EP300: variants seen among roughly 807,000 people sequenced by gnomAD.
The protein encoded by EP300 is EP300 lysine acetyltransferase.
EP300 carries 31 observed loss-of-function variants against 264.0 expected under a neutral mutation model. That is an observed-to-expected ratio of 0.12 (90% CI 0.09 to 0.16). The LOEUF (loss-of-function observed/expected upper bound fraction) is 0.16, where lower values mean the gene tolerates loss of function less well. Ranked by LOEUF, EP300 falls within the 10% of genes least tolerant of loss-of-function variation. EP300 has a pLI of 1.00. For missense variants in EP300, 2,766 were observed against 3,052.9 expected (o/e 0.91, Z 2.21); for synonymous variants, 1,340 against 1,045.4 (o/e 1.28, Z -5.44).
At chr22:41,171,507 G>T (rs1230480388) in intron 27 of EP300, among the ~76,000 whole-genome samples, 2 of 151,870 alleles carry the variant, frequency 1.3e-5, no homozygotes, top group Admixed American at 1.3e-4. Flanking sequence ...GCTGATTTTT[G>T]TATATTTTTT....
intron 2 of EP300, among the ~76,000 whole-genome samples, 180 bp downstream of exon 2, chr22:41,118,001 A>G (rs1486341030): frequency 6.6e-6 from 1 of 152,190 alleles, no homozygotes; most frequent in African/African-American, 2.4e-5. Flanking sequence ...TACAGCTGGT[A>G]TTCTATAACT....
intron 23 of EP300, 115 bp downstream of exon 23, chr22:41,166,781 A>G (rs919433898): frequency 1.8e-5 from 12 of 658,848 alleles, no homozygotes; most frequent in Non-Finnish European, 3.1e-5. Flanking sequence ...AAAATAAAAT[A>G]ATTCTATAAT....
rs142802640 is a variant in EP300, at chr22:41,169,551, A to T, written c.4221A>T (p.Lys1407Asn). Residue 1407 changes from lysine (K) to asparagine (N), a missense_variant, in exon 26 of 31, where the codon AAA becomes AAT. Transcript: ENST00000263253. ...ATAGTGTTCATTTCTTCCGTCCTAA[A>T]TGCTTGAGGACTGCAGTCTATCATG... ...YLDSVHFFRP[K>N]CLRTAVYHEI... 1.2e-6 allele frequency: 2 copies of T among 1,610,284 alleles called. No homozygotes were observed. Among genetic ancestry groups the T allele is most frequent in the African/African-American group, 2.7e-5 (2 of 74,960 alleles).
In EP300 at chr22:41,147,784, A is replaced by G. The variant is rs534731454; in HGVS notation, c.2132-53A>G. 6.0e-6 allele frequency: 7 copies of G among 1,168,936 alleles called. No individual in the cohort carries two copies. In the South Asian group the frequency reaches 8.5e-5, roughly 14 times the overall value. 72.4% of individuals were successfully genotyped at this position (1,168,936 alleles called of 1,614,324 possible). ...ATCAGACATAAGAATTCTATCTTTTATTATTCAATTTCACAAAGGCATTCA... is the reference window on the plus strand; with the variant it reads ...ATCAGACATAAGAATTCTATCTTTTGTTATTCAATTTCACAAAGGCATTCA... On this transcript the variant is annotated intron_variant, in intron 11 of 30. Transcript: ENST00000263253.
intron 2 of EP300, among the ~76,000 whole-genome samples, chr22:41,118,381 A>T (rs1280010739): frequency 6.6e-6 from 1 of 152,248 alleles, no homozygotes; most frequent in Non-Finnish European, 1.5e-5. Flanking sequence ...TATATTAAAA[A>T]TATTTTAAAC....
chr22:41,093,605 G>C (rs1219418033), intron 1 of EP300, among the ~76,000 whole-genome samples: 7 of 152,192 alleles, frequency 4.6e-5, no homozygotes, highest in African/African-American at 1.7e-4. Context: ...CGAGGTCCAA[G>C]ATTTCAGGTT....
rs779101803 is a variant in EP300 at position 41,146,770 on chromosome 22, T to C, written c.2085T>C (p.Arg695=). The C allele has an allele frequency of 1.5e-5, 24 of 1,614,100 alleles. No individual in the cohort carries two copies. In the East Asian group the frequency reaches 5.3e-4, roughly 36 times the overall value. The change falls in exon 11 of 31, where the codon CGT becomes CGC. Residue 695 remains arginine (R), a synonymous_variant. Coordinates refer to ENST00000263253, the MANE Select transcript of EP300 (RefSeq NM_001429.4). ...CTCTACCTGACCCAAGTATGATCCGTGGCAGTGTGCCAAACCAGATGATGC... is the reference window on the plus strand; with the variant it reads ...CTCTACCTGACCCAAGTATGATCCGCGGCAGTGTGCCAAACCAGATGATGC... ...NGPLPDPSMI[R]GSVPNQMMPR... is the part of the protein sequence containing the mutation.
intron 23 of EP300, among the ~76,000 whole-genome samples, chr22:41,167,580 GTGTGTATATATATATATA>G (rs1210921873): frequency 4.5e-3 from 137 of 30,136 alleles, no homozygotes; most frequent in African/African-American, 0.014. Flanking sequence ...GTGTGTGTGT[GTGTGTATATATATATATA>G]TATATATATA....
Position 41,176,367 on chromosome 22 carries a change from G to A in EP300, c.4900G>A (p.Ala1634Thr), listed in dbSNP as rs2145512926. ...TGGTCGGGATGCGTTTCTCACGCTG[G>A]CAAGGGACAAGCACCTGGAGTTCTC... Reference protein sequence around the residue: ...MDGRDAFLTLARDKHLEFSSL... With the variant: ...MDGRDAFLTLTRDKHLEFSSL... The change falls in exon 30 of 31, where the codon GCA becomes ACA. Residue 1634 changes from alanine to threonine, a missense_variant. Physicochemically the swap from Ala to Thr is moderately conservative, Grantham distance 58. Transcript: ENST00000263253. 6.2e-7 allele frequency: 1 copy of A among 1,614,194 alleles called. No individual in the cohort carries two copies. The highest frequency in any genetic ancestry group is 8.5e-7 in the Non-Finnish European group (1 of 1,180,038).
chr22:41,131,914 C>T (rs1037776705), intron 6 of EP300, among the ~76,000 whole-genome samples: 4 of 151,654 alleles, frequency 2.6e-5, no homozygotes, highest in Admixed American at 6.6e-5. Context: ...ACTGTGTAGA[C>T]GGGCCGGGCA....
chr22:41,148,945 T>C, intron 12 of EP300, 93 bp from the exon 13 acceptor site: 3 of 1,571,520 alleles, frequency 1.9e-6, no homozygotes, highest in Non-Finnish European at 2.6e-6. Flanking sequence ...CTCTACTTAA[T>C]AAGCCTGACG....
chr22:41,113,157 A>AACCCCCCC (rs2058802817), intron 1 of EP300, among the ~76,000 whole-genome samples: 15 of 92,910 alleles, frequency 1.6e-4, no homozygotes, highest in South Asian at 4.2e-4. Context: ...TCAGGATTCC[A>AACCCCCCC]CCCCCCCCCC....
intron 23 of EP300, 165 bp from the exon 24 acceptor site, chr22:41,168,284 G>A: frequency 1.4e-6 from 1 of 708,036 alleles, no homozygotes; most frequent in Admixed American, 2.2e-5. Context: ...GCACTCATAT[G>A]ACATGTAAAT....
In EP300 at chr22:41,116,220, T is replaced by C. The variant is rs117539041; in HGVS notation, c.95-967T>C. 4.9e-4 allele frequency among the ~76,000 whole-genome samples: 74 copies of C among 152,350 alleles called. 1 individual carries two copies. The East Asian group carries it at 0.014, about 28-fold the overall frequency. ...TCTATAACATTATTTAGAATGTTTT[T>C]CTTTTTTTAATTATCCTTTAAGTTT... On this transcript the variant is annotated intron_variant, in intron 1 of 30. Coordinates refer to ENST00000263253, the MANE Select transcript of EP300 (RefSeq NM_001429.4).
chr22:41,154,266 A>G (rs1370259000), intron 16 of EP300, among the ~76,000 whole-genome samples: 1 of 152,066 alleles, frequency 6.6e-6, no homozygotes, highest in East Asian at 1.9e-4. Flanking sequence ...GTATAAGACA[A>G]TACCTGATCT....
Position 41,178,842 on chromosome 22 carries a change from T to C in EP300, c.7131T>C (p.Ala2377=), listed in dbSNP as rs2059220948. The C allele has an allele frequency of 1.2e-6, 2 of 1,614,054 alleles. No homozygotes were observed. The highest frequency in any genetic ancestry group is 1.7e-6 in the Non-Finnish European group (2 of 1,180,046). ...AGAATTCAATGCTTTCTCAGCTTGC[T>C]AGCAATCCAGGCATGGCAAACCTCC... ...PDQNSMLSQL[A]SNPGMANLHG... Residue 2377 remains alanine, a synonymous_variant, in exon 31 of 31, where the codon GCT becomes GCC. Transcript: ENST00000263253.
chr22:41,178,299 A>G lies in EP300; in HGVS notation c.6588A>G (p.Gly2196=). 6.2e-7 allele frequency: 1 copy of G among 1,614,156 alleles called. No individual in the cohort carries two copies. The highest frequency in any genetic ancestry group is 1.3e-5 in the African/African-American group (1 of 75,032). The stretch of plus-strand genomic sequence containing the variant: ...TGATGCAACAGCAGCAGCAACAGGG[A>G]GCAGGGCCAGGAATAGGCCCTGGAA... ...QQMMQQQQQQ[G]AGPGIGPGMA... The change falls in exon 31 of 31, where the codon GGA becomes GGG. Residue 2196 remains glycine, a synonymous_variant. Coordinates refer to ENST00000263253, the MANE Select transcript of EP300 (RefSeq NM_001429.4).
chr22:41,178,524 C>T lies in EP300; in HGVS notation c.6813C>T (p.Ser2271=), dbSNP rs763766022. The T allele has an allele frequency of 5.0e-6, 8 of 1,613,964 alleles. No homozygotes were observed. In the African/African-American group the frequency reaches 8.0e-5, roughly 16 times the overall value. Residue 2271 remains serine, a synonymous_variant, in exon 31 of 31, where the codon TCC becomes TCT. Coordinates refer to ENST00000263253, the MANE Select transcript of EP300 (RefSeq NM_001429.4). ...GACTCCTTCAGCAACAGATGGGGTC[C>T]CCTGTTCAGCCCAACCCCATGAGCC... The part of the protein sequence containing the change: ...QQRLLQQQMG[S]PVQPNPMSPQ...
chr22:41,157,500 G>T, intron 18 of EP300, 92 bp downstream of exon 18: 2 of 1,195,732 alleles, frequency 1.7e-6, no homozygotes, highest in East Asian at 2.4e-5. Flanking sequence ...CCTGCTTCTG[G>T]CTTTGACATG....
Sources: allele counts gnomAD v4.1 joint callset (sites outside exome capture counted in the v4.1 genomes callset), GRCh38; gene constraint gnomAD v4.1.1; transcripts MANE v1.5; gene names NCBI Gene and HGNC (gene_info 2026-07-23, HGNC 2026-07-21).